PGR: variants seen among roughly 807,000 people sequenced by gnomAD.
The protein encoded by PGR is nuclear receptor subfamily 3 group C member 3.
PGR carries 25 observed loss-of-function variants against 76.1 expected under a neutral mutation model. The observed-to-expected ratio is 0.33, with a 90% CI of 0.24 to 0.46. The LOEUF (loss-of-function observed/expected upper bound fraction) is 0.46. PGR is among the 20% of genes least tolerant of loss of function. PGR has a pLI of 1.00. For synonymous variants in PGR, 579 were observed against 535.0 expected, an observed-to-expected ratio of 1.08 and a Z score of -1.14; for missense variants, 1,172 against 1,225.3, an observed-to-expected ratio of 0.96 and a Z score of 0.65.
intron 4 of PGR, among the ~76,000 whole-genome samples, chr11:101,055,459 C>T (rs1197175200): frequency 3.6e-5 from 5 of 139,738 alleles, no homozygotes; most frequent in South Asian, 2.4e-4. Context: ...ATAGAAAGTT[C>T]GTTTTCATTA....
intron 2 of PGR, among the ~76,000 whole-genome samples, chr11:101,097,056 T>C (rs781498793): frequency 2.3e-4 from 35 of 152,194 alleles, no homozygotes; most frequent in Non-Finnish European, 8.8e-5. Context: ...TCTCCCTTAA[T>C]ATATGCATCA....
In PGR at chr11:101,128,615, C is replaced by A; in HGVS notation, c.456G>T (p.Pro152=). ...LFGPELPEDP[P]AAPATQRVLS... ...ACACCCGCTGGGTGGCGGGGGCAGC[C>A]GGTGGATCTTCGGGAAGTTCGGGGC... Residue 152 remains proline, a synonymous_variant, in exon 1 of 8, where the codon CCG becomes CCT. Transcript: ENST00000325455. 6.3e-7 allele frequency: 1 copy of A among 1,589,928 alleles called. No individual in the cohort carries two copies. Among genetic ancestry groups the A allele is most frequent in the Non-Finnish European group, 8.5e-7 (1 of 1,170,412 alleles).
At position 101,127,890 on chromosome 11, in the gene PGR, G is replaced by C. The variant is rs980245445; in HGVS notation, c.1181C>G (p.Ala394Gly). 2.5e-6 allele frequency: 4 copies of C among 1,601,764 alleles called. No individual in the cohort carries two copies. Among genetic ancestry groups the C allele is most frequent in the Non-Finnish European group, 3.4e-6 (4 of 1,176,576 alleles). ...ACGCGGGGAGCGCGCGGAGGCCTCC[G>C]CGCCTTCCTCCTCCTCCTTTATCTT... ...ALKIKEEEEGAEASARSPRSY... is the reference protein window; with the variant it reads ...ALKIKEEEEGGEASARSPRSY... Residue 394 changes from alanine (A) to glycine (G), a missense_variant, in exon 1 of 8, where the codon GCG becomes GGG. Physicochemically the swap from Ala to Gly is moderately conservative, Grantham distance 60 (BLOSUM62 0). Transcript: ENST00000325455.
In PGR at chr11:101,128,566, C is replaced by T. The variant is rs368109236; in HGVS notation, c.505G>A (p.Gly169Arg). Residue 169 changes from glycine to arginine, a missense_variant, in exon 1 of 8, where the codon GGG becomes AGG. By Grantham distance (125) the Gly-to-Arg change is moderately radical (BLOSUM62 -2). This residue lies in a region of PGR where 893 missense variants were observed against 785.9 expected (regional missense o/e 1.14). Transcript: ENST00000325455. Reference protein sequence around the residue: ...RVLSPLMSRSGCKVGDSSGTA... With the variant: ...RVLSPLMSRSRCKVGDSSGTA... ...CCGGAGCTGTCTCCAACCTTGCACCCGGACCGGCTCATGAGCGGGGACAAC... is the reference window on the plus strand; with the variant it reads ...CCGGAGCTGTCTCCAACCTTGCACCTGGACCGGCTCATGAGCGGGGACAAC... The T allele has an allele frequency of 6.7e-5, 107 of 1,598,024 alleles. No individual in the cohort carries two copies. Among genetic ancestry groups the T allele is most frequent in the Non-Finnish European group, 8.8e-5 (103 of 1,175,314 alleles).
chr11:101,099,468 GTGATAATAACA>G (rs1235114235), intron 2 of PGR, among the ~76,000 whole-genome samples: 2 of 152,114 alleles, frequency 1.3e-5, no homozygotes, highest in African/African-American at 4.8e-5. Flanking sequence ...TTTGGTCTGG[GTGATAATAACA>G]TCGTTTCATT....
Position 101,038,442 on chromosome 11 carries a change from A to G in PGR, c.*674T>C, listed in dbSNP as rs1277766593. The G allele has an allele frequency of 2.7e-5, 6 of 223,510 alleles. No homozygotes were observed. Among genetic ancestry groups the G allele is most frequent in the East Asian group, 1.9e-4 (3 of 15,414 alleles). The allele number at this position is 223,510 out of a possible 1,614,324, so 13.8% of individuals were successfully genotyped here. Reference sequence around the variant, plus strand: ...GTTATTTTAAAAACCTACAAAACCCACAATACTATTTGCATAATGATATGA... The same window carrying G: ...GTTATTTTAAAAACCTACAAAACCCGCAATACTATTTGCATAATGATATGA... On this transcript the variant is annotated 3_prime_UTR_variant, in exon 8 of 8. Transcript: ENST00000325455.
At chr11:101,069,446 G>A (rs2135421682) in intron 3 of PGR, among the ~76,000 whole-genome samples, 1 of 152,346 alleles carries the variant, frequency 6.6e-6, no homozygotes, top group Admixed American at 6.5e-5. Context: ...GTAGAAGACA[G>A]TGTGATGATT....
intron 3 of PGR, among the ~76,000 whole-genome samples, chr11:101,076,022 T>C (rs1861117607): frequency 6.6e-6 from 1 of 152,220 alleles, no homozygotes. Context: ...TGCACACGTA[T>C]GTTTACTGCA....
chr11:101,102,169 C>G (rs1353549888), intron 2 of PGR, among the ~76,000 whole-genome samples: 1 of 152,124 alleles, frequency 6.6e-6, no homozygotes, highest in South Asian at 2.1e-4. Context: ...GTAAAATACA[C>G]AATTCCTGAC....
At position 101,105,493 on chromosome 11, in the gene PGR, TC is replaced by T. The variant is rs1862124920; in HGVS notation, c.1790-13618del. On this transcript the variant is annotated intron_variant, in intron 2 of 7. Transcript: ENST00000325455. Reference sequence around the variant, plus strand: ...TAAAGAATCCTATTTGGTAGCATATTCCTTTTTTTTTTTTTTTTTTAGAAAT... The same window carrying T: ...TAAAGAATCCTATTTGGTAGCATATTCTTTTTTTTTTTTTTTTTTAGAAAT... 2.9e-5 allele frequency among the ~76,000 whole-genome samples: 3 copies of T among 101,958 alleles called. No homozygotes were observed. The South Asian group carries it at 8.9e-4, about 30-fold the overall frequency. The allele number at this position is 101,958 out of a possible 152,430, so 66.9% of individuals were successfully genotyped here. A position where few individuals can be genotyped will look rare whatever the true frequency, so the allele number is the denominator to read the frequency against.
At chr11:101,056,005 T>C (rs1489583227) in intron 4 of PGR, among the ~76,000 whole-genome samples, 2 of 152,204 alleles carry the variant, frequency 1.3e-5, no homozygotes, top group African/African-American at 4.8e-5. Context: ...CTGTGATAAA[T>C]GTACAATGTT....
At chr11:101,046,283 G>A (rs771334362) in intron 6 of PGR, among the ~76,000 whole-genome samples, 3 of 122,304 alleles carry the variant, frequency 2.5e-5, no homozygotes, top group Non-Finnish European at 3.4e-5. Flanking sequence ...TTGCCACTAC[G>A]CCTGGCTAAT....
Position 101,081,827 on chromosome 11 carries a change from C to T in PGR, c.1906+9933G>A, listed in dbSNP as rs942757253. On this transcript the variant is annotated intron_variant, in intron 3 of 7. Transcript: ENST00000325455. The stretch of plus-strand genomic sequence containing the variant: ...AACACACTTAAGCACATAGCCTGCA[C>T]ACCCTACAAAGCAAAAACACAATAG... Among the ~76,000 whole-genome samples, 14 of 152,288 alleles carry T rather than the reference C, an allele frequency of 9.2e-5. No homozygotes were observed. In the East Asian group the frequency reaches 1.9e-3, roughly 21 times the overall value.
intron 3 of PGR, among the ~76,000 whole-genome samples, chr11:101,076,202 G>C (rs943636392): frequency 1.3e-5 from 2 of 151,278 alleles, no homozygotes; most frequent in African/African-American, 4.9e-5. Context: ...ATCATTCAGA[G>C]CAAACTAACA....
At chr11:101,072,942 G>A (rs1860993551) in intron 3 of PGR, among the ~76,000 whole-genome samples, 1 of 152,126 alleles carries the variant, frequency 6.6e-6, no homozygotes, top group South Asian at 2.1e-4. Flanking sequence ...AGGATATCCA[G>A]GACTTGAACT....
chr11:101,047,574 C>A (rs372803675), intron 6 of PGR, among the ~76,000 whole-genome samples: 14 of 152,102 alleles, frequency 9.2e-5, no homozygotes, highest in African/African-American at 3.1e-4. Flanking sequence ...ATCTCTCCTG[C>A]CCTTCCCTCC....
At chr11:101,047,305 A>C (rs1859923026) in intron 6 of PGR, among the ~76,000 whole-genome samples, 1 of 152,190 alleles carries the variant, frequency 6.6e-6, no homozygotes, top group South Asian at 2.1e-4. Context: ...CCAGTTTGGA[A>C]GATCTAGGAC....
intron 2 of PGR, among the ~76,000 whole-genome samples, chr11:101,094,489 T>C (rs1861772835): frequency 6.6e-6 from 1 of 152,192 alleles, no homozygotes; most frequent in Non-Finnish European, 1.5e-5. Flanking sequence ...TCCTCTTACT[T>C]TGCTTATTCC....
At chr11:101,112,239 G>C (rs1011889757) in intron 2 of PGR, among the ~76,000 whole-genome samples, 2 of 152,162 alleles carry the variant, frequency 1.3e-5, no homozygotes, top group East Asian at 3.9e-4. Context: ...AAAAATGATT[G>C]GTGGCTGAAG....
Sources: allele counts gnomAD v4.1 joint callset (sites outside exome capture counted in the v4.1 genomes callset), GRCh38; gene constraint gnomAD v4.1.1; regional missense constraint gnomAD v4.1.1; transcripts MANE v1.5; gene names NCBI Gene and HGNC (gene_info 2026-07-23, HGNC 2026-07-21).